The following PHF20L1 variants were observed in gnomAD, a reference collection of about 807,000 sequenced individuals.
The protein encoded by PHF20L1 is PHD finger protein 20-like protein 1.
Under a neutral mutation model 125.5 loss-of-function variants are expected in PHF20L1, and 44 were observed. That is an observed-to-expected ratio of 0.35 (90% CI 0.28 to 0.45). The LOEUF (loss-of-function observed/expected upper bound fraction) is 0.45. Ranked by LOEUF, PHF20L1 falls within the 20% of genes least tolerant of loss-of-function variation. The pLI is 1.00. For missense variants in PHF20L1, 1,012 were observed against 1,217.2 expected (o/e 0.83, Z 2.51); for synonymous variants, 380 against 403.1 (o/e 0.94, Z 0.69).
intron 8 of PHF20L1, chr8:132,809,625 C>T (rs977176368): frequency 2.6e-5 from 4 of 152,116 alleles, no homozygotes; most frequent in Non-Finnish European, 4.4e-5. Context: ...TTGTGGACAG[C>T]TTCTGTAATG....
At chr8:132,807,085 C>T (rs562669881) in intron 8 of PHF20L1, 19 of 151,812 alleles carry the variant, frequency 1.3e-4, no homozygotes, top group African/African-American at 4.3e-4. Context: ...ATATGGAATA[C>T]GTATATGTAT....
In PHF20L1 at chr8:132,842,742, A is replaced by T. The variant is rs1001175785; in HGVS notation, c.2615A>T (p.Asp872Val). The T allele has an allele frequency of 6.2e-7, 1 of 1,613,460 alleles. No individual in the cohort carries two copies. The highest frequency in any genetic ancestry group is 1.3e-5 in the African/African-American group (1 of 74,994). The change falls in exon 19 of 21, where the codon GAC becomes GTC. Residue 872 changes from aspartate (D) to valine (V), a missense_variant. Coordinates refer to ENST00000395386, the MANE Select transcript of PHF20L1 (RefSeq NM_016018.5). ...SYQKPQSFGQ[D>V]CKSLADPGSS... ...CAAAAGCCACAAAGTTTTGGTCAGG[A>T]CTGTAAATCTCTCGCAGACCCTGGG...
Position 132,817,415 on chromosome 8 carries a change from T to TA in PHF20L1, c.1450dup (p.Thr484AsnfsTer12). On this transcript the variant is annotated frameshift_variant, in exon 12 of 21. Coordinates refer to ENST00000395386, the MANE Select transcript of PHF20L1 (RefSeq NM_016018.5). LOFTEE classifies it high-confidence loss of function. ...TTGACTTAAGTCGTGGTTCAGAAGT[T>TA]ACAGCACCGGTAGCCTCAGATTCCT... is the stretch of plus-strand genomic sequence containing the variant. The TA allele has an allele frequency of 6.2e-7, 1 of 1,612,846 alleles. No individual in the cohort carries two copies. Among genetic ancestry groups the TA allele is most frequent in the Non-Finnish European group, 8.5e-7 (1 of 1,179,236 alleles).
At chr8:132,845,722 AT>A in intron 20 of PHF20L1, 58 bp from the exon 21 acceptor site, 9 of 1,234,312 alleles carry the variant, frequency 7.3e-6, no homozygotes, top group Non-Finnish European at 1.1e-5. Context: ...TGATTGTTTC[AT>A]TTTCTGACTG....
rs563539209 is a variant in PHF20L1 at position 132,815,676 on chromosome 8, A to C, written c.1183+787A>C. ...CTTATTCCATATTGTGTCTTCCAGA[A>C]TAATCAAAGATGTTGGCATTCAGAA... On this transcript the variant is annotated intron_variant, in intron 10 of 20. Coordinates refer to ENST00000395386, the MANE Select transcript of PHF20L1 (RefSeq NM_016018.5). 20 of 152,082 alleles carry C rather than the reference A, an allele frequency of 1.3e-4. No homozygotes were observed. In the East Asian group the frequency reaches 3.9e-3, roughly 29 times the overall value. 9.4% of individuals were successfully genotyped at this position (152,082 alleles called of 1,614,324 possible).
chr8:132,845,892 T>A lies in PHF20L1; in HGVS notation c.3023T>A (p.Val1008Glu). ...IKQLLIDMGK[V>E]QQIATLCSV ...CAGCTCCTAATTGACATGGGCAAAG[T>A]ACAGCAGATAGCAACTCTTTGCTCT... The change falls in exon 21 of 21, where the codon GTA becomes GAA. Residue 1008 changes from valine (V) to glutamate (E), a missense_variant. Physicochemically the swap from Val to Glu is moderately radical, Grantham distance 121. This residue lies in a region of PHF20L1 where 277 missense variants were observed against 283.6 expected (regional missense o/e 0.98). Transcript: ENST00000395386. 1 of 1,612,310 alleles carries A rather than the reference T, an allele frequency of 6.2e-7. No homozygotes were observed. The highest frequency in any genetic ancestry group is 8.5e-7 in the Non-Finnish European group (1 of 1,178,692).
rs377619110 is a variant in PHF20L1 at position 132,817,501 on chromosome 8, C to G, written c.1535C>G (p.Ser512Cys). 6.2e-7 allele frequency: 1 copy of G among 1,612,010 alleles called. No individual in the cohort carries two copies. Among genetic ancestry groups the G allele is most frequent in the African/African-American group, 1.3e-5 (1 of 74,788 alleles). Residue 512 changes from serine to cysteine, a missense_variant, in exon 12 of 21, where the codon TCT (serine) becomes TGT (cysteine). By Grantham distance (112) the Ser-to-Cys change is moderately radical (BLOSUM62 -1). Transcript: ENST00000395386. The part of the protein sequence containing the change: ...KEDTQMLPNP[S>C]SKAIADGRGA... ...GATACACAGATGCTTCCAAATCCTTCTTCCAAAGCAATAGCTGATGGAAGA... is the reference window on the plus strand; with the variant it reads ...GATACACAGATGCTTCCAAATCCTTGTTCCAAAGCAATAGCTGATGGAAGA...
intron 14 of PHF20L1, among the ~76,000 whole-genome samples, chr8:132,829,978 A>T (rs1455632004): frequency 6.6e-6 from 1 of 152,064 alleles, no homozygotes; most frequent in East Asian, 1.9e-4. Flanking sequence ...TAAGTTTCCC[A>T]TTGCTGCTGT....
intron 2 of PHF20L1, among the ~76,000 whole-genome samples, chr8:132,782,006 A>G (rs1161283782): frequency 6.6e-6 from 1 of 152,256 alleles, no homozygotes; most frequent in African/African-American, 2.4e-5. Flanking sequence ...TCATCTGCAT[A>G]AAGACTTTGA....
chr8:132,812,711 A>G, intron 9 of PHF20L1: 3 of 984,758 alleles, frequency 3.0e-6, no homozygotes, highest in Non-Finnish European at 3.6e-6. Context: ...TTCATAGTTA[A>G]AAAGCCGAGT....
chr8:132,808,518 AT>A (rs1833991078), intron 8 of PHF20L1: 1 of 152,072 alleles, frequency 6.6e-6, no homozygotes, highest in East Asian at 1.9e-4. Flanking sequence ...GAATAGCAAG[AT>A]TTGTCCTGTT....
chr8:132,807,550 A>G (rs1833873993), intron 8 of PHF20L1: 1 of 346,530 alleles, frequency 2.9e-6, no homozygotes, highest in Non-Finnish European at 5.6e-6. Context: ...GACCAGTAGT[A>G]TGTTATTGAT....
At chr8:132,840,801 A>C (rs936948258) in intron 18 of PHF20L1, among the ~76,000 whole-genome samples, 3 of 152,130 alleles carry the variant, frequency 2.0e-5, no homozygotes, top group Non-Finnish European at 2.9e-5. Context: ...TACTTGTGTC[A>C]GCCACTTTGG....
intron 14 of PHF20L1, among the ~76,000 whole-genome samples, chr8:132,830,626 C>G (rs932069808): frequency 6.6e-6 from 1 of 152,064 alleles, no homozygotes; most frequent in Admixed American, 6.6e-5. Flanking sequence ...AGAAGACAGA[C>G]ATCATCAGGT....
At position 132,799,381 on chromosome 8, in the gene PHF20L1, G is replaced by A. The variant is rs565291547; in HGVS notation, c.507+209G>A. 14 of 425,760 alleles carry A rather than the reference G, an allele frequency of 3.3e-5. 1 individual carries two copies. The South Asian group carries it at 6.0e-4, about 18-fold the overall frequency. The allele number at this position is 425,760 out of a possible 1,614,324, so 26.4% of individuals were successfully genotyped here. A position where few individuals can be genotyped will look rare whatever the true frequency, so the allele number is the denominator to read the frequency against. On this transcript the variant is annotated intron_variant, in intron 6 of 20. Coordinates refer to ENST00000395386, the MANE Select transcript of PHF20L1 (RefSeq NM_016018.5). The stretch of plus-strand genomic sequence containing the variant: ...ATAGGGCTCTCTGAGTCATGTGATG[G>A]AAGCAGTGTATTGTATGCTTTGTCA...
chr8:132,810,573 G>A (rs1354681987), intron 8 of PHF20L1: 2 of 156,376 alleles, frequency 1.3e-5, no homozygotes, highest in Non-Finnish European at 2.8e-5. Flanking sequence ...AGATTAAAAG[G>A]ATCTAAATGA....
chr8:132,786,069 G>C (rs764873035), intron 2 of PHF20L1, among the ~76,000 whole-genome samples: 5 of 151,934 alleles, frequency 3.3e-5, no homozygotes, highest in Non-Finnish European at 5.9e-5. Flanking sequence ...TGTGACTTTT[G>C]GATTGAAAAC....
intron 8 of PHF20L1, chr8:132,809,941 T>A (rs1305690815): frequency 6.6e-6 from 1 of 152,142 alleles, no homozygotes; most frequent in Non-Finnish European, 1.5e-5. Context: ...CCTGACAGGC[T>A]TAGCAAAGAA....
At position 132,817,044 on chromosome 8, in the gene PHF20L1, C is replaced by T. The variant is rs1295781672; in HGVS notation, c.1340C>T (p.Ser447Phe). 6.3e-7 allele frequency: 1 copy of T among 1,593,354 alleles called. No homozygotes were observed. Among genetic ancestry groups the T allele is most frequent in the African/African-American group, 1.4e-5 (1 of 73,806 alleles). Residue 447 changes from serine to phenylalanine, a missense_variant, in exon 11 of 21, where the codon TCT becomes TTT. Physicochemically the swap from Ser to Phe is radical, Grantham distance 155. Coordinates refer to ENST00000395386, the MANE Select transcript of PHF20L1 (RefSeq NM_016018.5). The stretch of plus-strand genomic sequence containing the variant: ...GATGGGAAAGTATTCTCCATCAGTT[C>T]TCAAAATCAGCAAGAATCTTCAGTA... ...ATDGKVFSISSQNQQESSVPE... is the reference protein window; with the variant it reads ...ATDGKVFSISFQNQQESSVPE...
Sources: gnomAD v4.1 joint callset for allele counts (sites outside exome capture counted in the v4.1 genomes callset) on GRCh38, gnomAD v4.1.1 for gene constraint, gnomAD v4.1.1 regional missense constraint, MANE v1.5 for transcripts, NCBI Gene and HGNC (gene_info 2026-07-23, HGNC 2026-07-21) for gene names.